DGKI: variants seen among roughly 807,000 people sequenced by gnomAD.
The protein encoded by DGKI is diacylglycerol kinase iota.
A neutral mutation model predicts 147.5 loss-of-function variants in DGKI; 55 were observed. The observed-to-expected ratio is 0.37, with a 90% CI of 0.30 to 0.47. The LOEUF (loss-of-function observed/expected upper bound fraction) is 0.47, where lower values mean the gene tolerates loss of function less well. Among genes scored for constraint, DGKI ranks in the 20% least tolerant of loss-of-function variants. The probability of loss-of-function intolerance (pLI) is 1.00; values close to 1 mark genes in which losing one functional copy is unlikely to be tolerated. For synonymous variants in DGKI, 469 were observed against 477.1 expected (o/e 0.98, Z 0.22); for missense variants, 1,007 against 1,323.8 (o/e 0.76, Z 3.71).
chr7:137,411,822 G>A (rs116050404), intron 29 of DGKI, among the ~76,000 whole-genome samples: 2,744 of 152,290 alleles, frequency 0.018, 88 homozygotes, highest in African/African-American at 0.063. Context: ...TGGCCTGAAG[G>A]ATGCATTTCT....
intron 1 of DGKI, among the ~76,000 whole-genome samples, 183 bp from the exon 2 acceptor site, chr7:137,690,185 A>G (rs1823558253): frequency 6.6e-6 from 1 of 152,220 alleles, no homozygotes; most frequent in Non-Finnish European, 1.5e-5. Flanking sequence ...AGAGGGTGGC[A>G]GGTCCCAAAA....
intron 1 of DGKI, among the ~76,000 whole-genome samples, chr7:137,760,414 A>G (rs1475186758): frequency 6.6e-6 from 1 of 151,650 alleles, no homozygotes; most frequent in Non-Finnish European, 1.5e-5. Context: ...GGTTCTTCCT[A>G]CCTCTGTGGC....
chr7:137,639,339 A>G (rs1425245409), intron 6 of DGKI, among the ~76,000 whole-genome samples: 1 of 152,182 alleles, frequency 6.6e-6, no homozygotes, highest in Non-Finnish European at 1.5e-5. Context: ...CTGCTGAGGA[A>G]GTGAGGAAGA....
At chr7:137,508,219 CTTTTTTTT>C (rs1171968411) in intron 21 of DGKI, among the ~76,000 whole-genome samples, 9 of 92,534 alleles carry the variant, frequency 9.7e-5, no homozygotes, top group Admixed American at 2.2e-4. Context: ...AGACAGGTTT[CTTTTTTTT>C]TTTTTTTTTT....
chr7:137,577,367 G>A, intron 16 of DGKI, 83 bp from the exon 17 acceptor site: 1 of 975,606 alleles, frequency 1.0e-6, no homozygotes. Flanking sequence ...TAGATTCCAA[G>A]GATTCCAAAG....
At chr7:137,581,455 CTTTAATAGTG>C (rs1171632439) in intron 15 of DGKI, among the ~76,000 whole-genome samples, 1 of 152,182 alleles carries the variant, frequency 6.6e-6, no homozygotes, top group East Asian at 1.9e-4. Flanking sequence ...TAGTATTGCA[CTTTAATAGTG>C]TTTTGTGAAG....
chr7:137,430,674 A>G (rs926065436), intron 28 of DGKI, among the ~76,000 whole-genome samples: 1 of 152,216 alleles, frequency 6.6e-6, no homozygotes, highest in East Asian at 1.9e-4. Flanking sequence ...GATGTAGAGA[A>G]TGATTTCCTA....
chr7:137,665,097 GGTCA>G (rs1370377541), intron 3 of DGKI, among the ~76,000 whole-genome samples: 3 of 152,214 alleles, frequency 2.0e-5, no homozygotes, highest in East Asian at 3.9e-4. Flanking sequence ...GTAGAGATGA[GGTCA>G]GATGATAACA....
At chr7:137,541,102 A>T (rs898395234) in intron 20 of DGKI, among the ~76,000 whole-genome samples, 2 of 152,216 alleles carry the variant, frequency 1.3e-5, no homozygotes, top group African/African-American at 2.4e-5. Context: ...AATGAAGAAT[A>T]AATTTGGAAG....
chr7:137,748,313 C>T (rs941283001), intron 1 of DGKI, among the ~76,000 whole-genome samples: 1 of 150,030 alleles, frequency 6.7e-6, no homozygotes, highest in African/African-American at 2.5e-5. Context: ...TCTGATCCCC[C>T]GAAAAACTTA....
chr7:137,747,966 C>A (rs553857660), intron 1 of DGKI, among the ~76,000 whole-genome samples: 1 of 152,286 alleles, frequency 6.6e-6, no homozygotes, highest in East Asian at 1.9e-4. Context: ...CATTTTACGA[C>A]AAGGAAATAA....
rs374925159 is a variant in DGKI, at chr7:137,566,219, C to T, written c.1947+4956G>A. On this transcript the variant is annotated intron_variant, in intron 19 of 32. Coordinates refer to ENST00000614521, the MANE Select transcript of DGKI (RefSeq NM_001321708.2). Reference sequence around the variant, plus strand: ...TATGCAAAAATATATACACATATACCCAAATAACTATATTTGTCTGTTTAC... The same window carrying T: ...TATGCAAAAATATATACACATATACTCAAATAACTATATTTGTCTGTTTAC... Among the ~76,000 whole-genome samples, 3 of 151,450 alleles carry T rather than the reference C, an allele frequency of 2.0e-5. No individual in the cohort carries two copies. The East Asian group carries it at 5.8e-4, about 29-fold the overall frequency.
chr7:137,551,800 G>A (rs1329747859), intron 20 of DGKI, among the ~76,000 whole-genome samples: 2 of 152,040 alleles, frequency 1.3e-5, no homozygotes, highest in East Asian at 1.9e-4. Flanking sequence ...GCTATGTCTG[G>A]ACAATAGGAT....
At chr7:137,745,827 A>G (rs1264444243) in intron 1 of DGKI, among the ~76,000 whole-genome samples, 1 of 152,238 alleles carries the variant, frequency 6.6e-6, no homozygotes, top group Non-Finnish European at 1.5e-5. Flanking sequence ...AGTAAGACCA[A>G]TTTCATTGGT....
chr7:137,603,212 GA>G (rs1008124856), intron 10 of DGKI, among the ~76,000 whole-genome samples: 19 of 152,230 alleles, frequency 1.2e-4, no homozygotes, highest in Admixed American at 1.2e-3. Context: ...ATTCATAAAG[GA>G]AAACATAATG....
chr7:137,589,245 C>G (rs1402546452), intron 12 of DGKI, among the ~76,000 whole-genome samples: 1 of 152,200 alleles, frequency 6.6e-6, no homozygotes, highest in Non-Finnish European at 1.5e-5. Context: ...CGTTGGTTCT[C>G]CTGACTTCCA....
intron 1 of DGKI, chr7:137,722,132 T>A: frequency 5.0e-6 from 8 of 1,599,050 alleles, no homozygotes; most frequent in Non-Finnish European, 5.9e-6. Context: ...CGCAACCCTG[T>A]CATTGTCAGA....
intron 1 of DGKI, among the ~76,000 whole-genome samples, chr7:137,798,442 G>C (rs1322822127): frequency 1.3e-5 from 2 of 152,058 alleles, no homozygotes; most frequent in Non-Finnish European, 2.9e-5. Flanking sequence ...TTATTTTTGA[G>C]TTAGGATCTC....
intron 30 of DGKI, among the ~76,000 whole-genome samples, chr7:137,398,865 G>A (rs1303716771): frequency 1.3e-5 from 2 of 151,862 alleles, no homozygotes; most frequent in African/African-American, 4.8e-5. Context: ...TACCAAGAAA[G>A]ATAAGAAGGT....
Sources: gnomAD v4.1 joint callset for allele counts (sites outside exome capture counted in the v4.1 genomes callset) on GRCh38, gnomAD v4.1.1 for gene constraint, MANE v1.5 for transcripts, NCBI Gene and HGNC (gene_info 2026-07-23, HGNC 2026-07-21) for gene names.